FAT3: variants seen among roughly 807,000 people sequenced by gnomAD.
FAT3 encodes protocadherin Fat 3.
In FAT3, 95 loss-of-function variants were observed where a neutral mutation model predicts 310.2. The ratio of observed to expected loss-of-function variants is 0.31; its 90% CI spans 0.26 to 0.36. The LOEUF (loss-of-function observed/expected upper bound fraction) is 0.36, where lower values mean the gene tolerates loss of function less well. Among genes scored for constraint, FAT3 ranks in the 10% least tolerant of loss-of-function variants. The pLI is 1.00. For missense variants in FAT3, 5,408 were observed against 5,715.6 expected (o/e 0.95, Z 1.74); for synonymous variants, 2,314 against 2,192.9 (o/e 1.06, Z -1.54).
Position 92,353,794 on chromosome 11 carries a change from A to G in FAT3, c.1682A>G (p.Glu561Gly). The G allele has an allele frequency of 1.2e-6, 2 of 1,613,424 alleles. No homozygotes were observed. The highest frequency in any genetic ancestry group is 1.7e-6 in the Non-Finnish European group (2 of 1,179,450). The change falls in exon 2 of 28, where the codon GAG (glutamate) becomes GGG (glycine). Residue 561 changes from glutamate (E) to glycine (G), a missense_variant. Around this residue, in one of 5 missense-constraint regions of FAT3, gnomAD observed 4,588 missense variants for 4,809.8 expected, o/e 0.95. Transcript: ENST00000525166. ...DWGSPYRHES[E>G]VNVTIRIGNV... ...GGTTCACCATACCGCCATGAAAGTG[A>G]GGTCAATGTGACTATTCGAATAGGA...
At chr11:92,602,445 TG>T (rs1373485126) in intron 3 of FAT3, among the ~76,000 whole-genome samples, 1 of 152,196 alleles carries the variant, frequency 6.6e-6, no homozygotes, top group Non-Finnish European at 1.5e-5. Context: ...CCAATTTTGC[TG>T]ATGGGGAGAC....
intron 1 of FAT3, among the ~76,000 whole-genome samples, chr11:92,338,917 T>C (rs1948166591): frequency 6.6e-6 from 1 of 152,126 alleles, no homozygotes; most frequent in African/African-American, 2.4e-5. Flanking sequence ...ATGGAAGTCA[T>C]CCCAGCTCCA....
intron 13 of FAT3, among the ~76,000 whole-genome samples, chr11:92,828,711 C>T (rs1014594453): frequency 1.2e-4 from 19 of 152,226 alleles, no homozygotes; most frequent in Admixed American, 4.6e-4. Context: ...CGGAGGGGAG[C>T]CATGGTCTTT....
chr11:92,872,080 T>C (rs1949406948), intron 22 of FAT3, among the ~76,000 whole-genome samples: 1 of 152,152 alleles, frequency 6.6e-6, no homozygotes, highest in African/African-American at 2.4e-5. Context: ...CTCTAGGCAA[T>C]TGTGAGTATT....
chr11:92,498,176 C>A, intron 2 of FAT3: 1 of 158,348 alleles, frequency 6.3e-6, no homozygotes, highest in South Asian at 1.7e-4. Flanking sequence ...GATCCATATC[C>A]ATCAGCTCAT....
intron 3 of FAT3, among the ~76,000 whole-genome samples, chr11:92,559,789 G>A (rs1193683607): frequency 6.6e-6 from 1 of 152,160 alleles, no homozygotes; most frequent in South Asian, 2.1e-4. Context: ...TTTGTGTTGT[G>A]TGTATCAGTA....
chr11:92,713,826 A>T (rs997802166), intron 4 of FAT3, among the ~76,000 whole-genome samples: 2 of 152,198 alleles, frequency 1.3e-5, no homozygotes, highest in African/African-American at 4.8e-5. Flanking sequence ...TTTCTTTAAG[A>T]TTTCCCAGAA....
At chr11:92,427,945 A>G (rs563201105) in intron 2 of FAT3, among the ~76,000 whole-genome samples, 121 of 152,180 alleles carry the variant, frequency 8.0e-4, no homozygotes, top group African/African-American at 2.8e-3. Flanking sequence ...AAGGAATGGT[A>G]TGAACTCCTC....
chr11:92,698,251 A>G (rs1335534570), intron 4 of FAT3, among the ~76,000 whole-genome samples: 1 of 152,190 alleles, frequency 6.6e-6, no homozygotes, highest in Middle Eastern at 3.4e-3. Context: ...CCTAACACAT[A>G]CACAAACACA....
rs182999129 is a variant in FAT3, at chr11:92,880,250, C to T, written c.12128-481C>T. Among the ~76,000 whole-genome samples the T allele has an allele frequency of 2.3e-3, 341 of 149,728 alleles. 1 individual carries two copies. The highest frequency in any genetic ancestry group is 3.6e-3 in the Non-Finnish European group (243 of 67,560). On this transcript the variant is annotated intron_variant, in intron 22 of 27. Transcript: ENST00000525166. ...GGGGTTCATTTGAGTTGACAAATATCCTTTTACCTGCTCTCCCCTCATTCC... is the reference window on the plus strand; with the variant it reads ...GGGGTTCATTTGAGTTGACAAATATTCTTTTACCTGCTCTCCCCTCATTCC...
chr11:92,673,485 C>T (rs1431345194), intron 3 of FAT3, among the ~76,000 whole-genome samples: 1 of 152,056 alleles, frequency 6.6e-6, no homozygotes, highest in Non-Finnish European at 1.5e-5. Context: ...TTTGATATGG[C>T]AGTATACGAG....
At chr11:92,303,574 G>A (rs1947051278) in intron 1 of FAT3, among the ~76,000 whole-genome samples, 2 of 152,100 alleles carry the variant, frequency 1.3e-5, no homozygotes, top group Non-Finnish European at 2.9e-5. Context: ...GTCAGGCATT[G>A]CTTCAGTATT....
chr11:92,230,991 T>A (rs888973206), intron 1 of FAT3, among the ~76,000 whole-genome samples: 1 of 152,212 alleles, frequency 6.6e-6, no homozygotes, highest in Non-Finnish European at 1.5e-5. Context: ...GCAGAGCTCC[T>A]TTTTGGAAGA....
At chr11:92,267,604 C>G (rs1312941216) in intron 1 of FAT3, among the ~76,000 whole-genome samples, 2 of 151,758 alleles carry the variant, frequency 1.3e-5, no homozygotes, top group Admixed American at 6.6e-5. Context: ...GAAATGATCC[C>G]AAAGAAAATG....
chr11:92,764,669 G>A (rs778953327), intron 5 of FAT3, among the ~76,000 whole-genome samples: 3 of 152,154 alleles, frequency 2.0e-5, no homozygotes, highest in Non-Finnish European at 2.9e-5. Flanking sequence ...GGTCCAGAGA[G>A]CCTCTGGCAA....
intron 1 of FAT3, among the ~76,000 whole-genome samples, chr11:92,349,255 A>T (rs548443226): frequency 6.6e-4 from 101 of 152,092 alleles, no homozygotes; most frequent in Non-Finnish European, 1.1e-3. Context: ...AGAGAGTGTA[A>T]CCTAACCTTC....
intron 3 of FAT3, among the ~76,000 whole-genome samples, chr11:92,586,366 A>G (rs1939157980): frequency 6.6e-6 from 1 of 151,992 alleles, no homozygotes; most frequent in Admixed American, 6.6e-5. Flanking sequence ...ATGAAAGTCA[A>G]AGAGGACTGA....
At chr11:92,825,793 G>A (rs189454771) in intron 13 of FAT3, among the ~76,000 whole-genome samples, 4 of 152,206 alleles carry the variant, frequency 2.6e-5, no homozygotes, top group Admixed American at 2.6e-4. Context: ...TTAGAGGACA[G>A]GGTATCAACT....
At chr11:92,615,388 A>G (rs186295161) in intron 3 of FAT3, among the ~76,000 whole-genome samples, 1,760 of 152,240 alleles carry the variant, frequency 0.012, 41 homozygotes, top group African/African-American at 0.04. Context: ...CTGGGGTTAC[A>G]GGCACCCACC....
Sources: allele counts gnomAD v4.1 joint callset (sites outside exome capture counted in the v4.1 genomes callset), GRCh38; gene constraint gnomAD v4.1.1; regional missense constraint gnomAD v4.1.1; transcripts MANE v1.5; gene names NCBI Gene and HGNC (gene_info 2026-07-23, HGNC 2026-07-21).